Variants in ENTPD7 observed in about 807,000 individuals in gnomAD.
The protein encoded by ENTPD7 is ectonucleoside triphosphate diphosphohydrolase 7, also known as NTPDase 7.
ENTPD7 carries 53 observed loss-of-function variants against 77.9 expected under a neutral mutation model. The ratio of observed to expected loss-of-function variants is 0.68; its 90% CI spans 0.55 to 0.85. ENTPD7 has a LOEUF of 0.85. Among genes scored for constraint, ENTPD7 ranks in the 40% least tolerant of loss-of-function variants. The pLI, the probability that ENTPD7 is intolerant of heterozygous loss-of-function variation, is 0.00. For missense variants in ENTPD7, 636 were observed against 743.7 expected, an observed-to-expected ratio of 0.86 and a Z score of 1.68; for synonymous variants, 248 against 274.9, an observed-to-expected ratio of 0.90 and a Z score of 0.97.
rs11325544 is a variant in ENTPD7, at chr10:99,686,916, CTT to C, written c.652+1039_652+1040del. ...GAGCTGCTTTCTGTAGGCTGTGAAT[CTT>C]TTTTTTTTTTTTTTTTTGAGACAGA... is the stretch of plus-strand genomic sequence containing the variant. On this transcript the variant is annotated intron_variant, in intron 6 of 12. Coordinates refer to ENST00000370489, the MANE Select transcript of ENTPD7 (RefSeq NM_020354.5). Among the ~76,000 whole-genome samples the C allele has an allele frequency of 3.3e-3, 320 of 98,058 alleles. 2 individuals are homozygous for C. The highest frequency in any genetic ancestry group is 9.9e-3 in the Middle Eastern group (2 of 202). 64.3% of individuals were successfully genotyped at this position (98,058 alleles called of 152,430 possible).
At chr10:99,675,936 A>G (rs1417803550) in intron 3 of ENTPD7, among the ~76,000 whole-genome samples, 1 of 152,172 alleles carries the variant, frequency 6.6e-6, no homozygotes, top group East Asian at 1.9e-4. Context: ...GAGTTTTAGT[A>G]TAGTATCAAA....
At chr10:99,666,193 G>T (rs2133440899) in intron 3 of ENTPD7, among the ~76,000 whole-genome samples, 1 of 152,128 alleles carries the variant, frequency 6.6e-6, no homozygotes, top group Middle Eastern at 3.4e-3. Context: ...AGAGTGAAAA[G>T]GTTGGAACTG....
At chr10:99,703,427 C>A (rs576304620) in intron 12 of ENTPD7, among the ~76,000 whole-genome samples, 1 of 152,346 alleles carries the variant, frequency 6.6e-6, no homozygotes, top group East Asian at 1.9e-4. Flanking sequence ...CTGTCACACA[C>A]AAGCACTGTC....
Position 99,710,242 on chromosome 10 carries a change from G to T in ENTPD7, c.*5559G>T, listed in dbSNP as rs1387685091. 5.1e-6 allele frequency: 5 copies of T among 985,240 alleles called. No individual in the cohort carries two copies. The South Asian group carries it at 1.9e-4, about 37-fold the overall frequency. 61.0% of individuals were successfully genotyped at this position (985,240 alleles called of 1,614,324 possible). On this transcript the variant is annotated 3_prime_UTR_variant, in exon 13 of 13. Coordinates refer to ENST00000370489, the MANE Select transcript of ENTPD7 (RefSeq NM_020354.5). ...CTGCTGGTGAAGACGCCCCTTACTA[G>T]CTTCATAAATGTTTTTCTGCAAGCA...
chr10:99,701,165 T>C (rs2036114963), intron 11 of ENTPD7, 107 bp downstream of exon 11: 1 of 1,031,664 alleles, frequency 9.7e-7, no homozygotes, highest in Non-Finnish European at 1.5e-6. Flanking sequence ...GAGGGAGCAT[T>C]TGATTATTCC....
intron 5 of ENTPD7, among the ~76,000 whole-genome samples, chr10:99,680,157 G>T (rs2035735084): frequency 6.6e-6 from 1 of 152,186 alleles, no homozygotes; most frequent in South Asian, 2.1e-4. Context: ...AAATTAGGAA[G>T]AGGGTCACCT....
At position 99,705,850 on chromosome 10, in the gene ENTPD7, A is replaced by C. The variant is rs2036239880; in HGVS notation, c.*1167A>C. 6.6e-6 allele frequency: 1 copy of C among 152,250 alleles called. No individual in the cohort carries two copies. The highest frequency in any genetic ancestry group is 2.1e-4 in the South Asian group (1 of 4,838). 9.4% of individuals were successfully genotyped at this position (152,250 alleles called of 1,614,324 possible). A position where few individuals can be genotyped will look rare whatever the true frequency, so the allele number is the denominator to read the frequency against. Reference sequence around the variant, plus strand: ...TCACAAACAGCACTTCCATTAATGAAGCGAGAGGAAAAGCCATAATAATTA... The same window carrying C: ...TCACAAACAGCACTTCCATTAATGACGCGAGAGGAAAAGCCATAATAATTA... On this transcript the variant is annotated 3_prime_UTR_variant, in exon 13 of 13. Coordinates refer to ENST00000370489, the MANE Select transcript of ENTPD7 (RefSeq NM_020354.5).
At position 99,706,336 on chromosome 10, in the gene ENTPD7, C is replaced by CTTTTTTT. The variant is rs112095426; in HGVS notation, c.*1658_*1664dup. ...GATTAAGCATGCAAAGACTCTGTTC[C>CTTTTTTT]TTTTTTTTTTTCTTGGAGACAGGGC... On this transcript the variant is annotated 3_prime_UTR_variant, in exon 13 of 13. Transcript: ENST00000370489. 1 of 147,702 alleles carries CTTTTTTT rather than the reference C, an allele frequency of 6.8e-6. No homozygotes were observed. The allele number at this position is 147,702 out of a possible 1,614,324, so 9.1% of individuals were successfully genotyped here.
intron 3 of ENTPD7, among the ~76,000 whole-genome samples, chr10:99,667,043 A>C (rs967456907): frequency 6.6e-6 from 1 of 152,208 alleles, no homozygotes; most frequent in Non-Finnish European, 1.5e-5. Context: ...ATTCTTGTCT[A>C]TCACTGTATC....
intron 12 of ENTPD7, among the ~76,000 whole-genome samples, chr10:99,704,210 G>A (rs1247848321): frequency 6.6e-6 from 1 of 152,088 alleles, no homozygotes; most frequent in Admixed American, 6.6e-5. Context: ...TCCCATCTTG[G>A]CTTAGATTCT....
intron 3 of ENTPD7, among the ~76,000 whole-genome samples, chr10:99,664,410 G>A (rs1160786460): frequency 6.6e-6 from 1 of 151,596 alleles, no homozygotes; most frequent in Non-Finnish European, 1.5e-5. Context: ...ACAGATGTGA[G>A]CCACTGTGCC....
intron 8 of ENTPD7, among the ~76,000 whole-genome samples, chr10:99,695,634 C>T (rs1308706898): frequency 6.6e-6 from 1 of 152,038 alleles, no homozygotes; most frequent in Non-Finnish European, 1.5e-5. Flanking sequence ...ATAACACATT[C>T]CCATTGAGGG....
intron 7 of ENTPD7, among the ~76,000 whole-genome samples, chr10:99,689,588 T>G (rs2035855451): frequency 6.6e-6 from 1 of 152,236 alleles, no homozygotes; most frequent in African/African-American, 2.4e-5. Context: ...GACTAAATCA[T>G]AGAAGGCGCT....
Position 99,670,638 on chromosome 10 carries a change from A to G in ENTPD7, c.192-8623A>G, listed in dbSNP as rs537131202. 2.0e-5 allele frequency among the ~76,000 whole-genome samples: 3 copies of G among 152,330 alleles called. No individual in the cohort carries two copies. In the South Asian group the frequency reaches 6.2e-4, roughly 32 times the overall value. The stretch of plus-strand genomic sequence containing the variant: ...TACACATGTTGCTGCACTGAATACT[A>G]TAGGCAACTGCAACACAATGGTAAG... On this transcript the variant is annotated intron_variant, in intron 3 of 12. Coordinates refer to ENST00000370489, the MANE Select transcript of ENTPD7 (RefSeq NM_020354.5).
chr10:99,693,365 A>C (rs2035914934), intron 8 of ENTPD7, among the ~76,000 whole-genome samples: 1 of 152,242 alleles, frequency 6.6e-6, no homozygotes, highest in African/African-American at 2.4e-5. Flanking sequence ...TGAGTTTAGC[A>C]GTCAGCAGAG....
Position 99,711,061 on chromosome 10 carries a change from A to G in ENTPD7, c.*6378A>G, listed in dbSNP as rs2036367307. 1.0e-6 allele frequency: 1 copy of G among 984,286 alleles called. No homozygotes were observed. The highest frequency in any genetic ancestry group is 1.2e-6 in the Non-Finnish European group (1 of 829,700). The allele number at this position is 984,286 out of a possible 1,614,324, so 61.0% of individuals were successfully genotyped here. A position where few individuals can be genotyped will look rare whatever the true frequency, so the allele number is the denominator to read the frequency against. On this transcript the variant is annotated 3_prime_UTR_variant, in exon 13 of 13. Coordinates refer to ENST00000370489, the MANE Select transcript of ENTPD7 (RefSeq NM_020354.5). The stretch of plus-strand genomic sequence containing the variant: ...CCATTCATGCATTCACTAATTCAAT[A>G]TTTGATATGTGTCTGGGAGTGCTGG...
rs181673024 is a variant in ENTPD7 at position 99,678,201 on chromosome 10, G to T, written c.192-1060G>T. Among the ~76,000 whole-genome samples the T allele has an allele frequency of 3.3e-3, 496 of 152,088 alleles. 3 individuals carry two copies. The highest frequency in any genetic ancestry group is 0.011 in the African/African-American group (474 of 41,484). ...TAAAATATTTAGGCCAGGCGCGGTG[G>T]CTCACGTCTGTAATCCCAGCACTTT... On this transcript the variant is annotated intron_variant, in intron 3 of 12. Coordinates refer to ENST00000370489, the MANE Select transcript of ENTPD7 (RefSeq NM_020354.5).
At chr10:99,692,331 G>A (rs1426613915) in intron 8 of ENTPD7, among the ~76,000 whole-genome samples, 3 of 152,204 alleles carry the variant, frequency 2.0e-5, no homozygotes, top group African/African-American at 7.2e-5. Flanking sequence ...CCTTCCAGTT[G>A]TGACAATCAA....
chr10:99,664,916 T>G (rs1188353054), intron 3 of ENTPD7, among the ~76,000 whole-genome samples: 2 of 152,080 alleles, frequency 1.3e-5, no homozygotes, highest in Non-Finnish European at 2.9e-5. Context: ...GCTCTGTCTC[T>G]CCTGTCTGTT....
Sources: gnomAD v4.1 joint callset for allele counts (sites outside exome capture counted in the v4.1 genomes callset) on GRCh38, gnomAD v4.1.1 for gene constraint, MANE v1.5 for transcripts, NCBI Gene and HGNC (gene_info 2026-07-23, HGNC 2026-07-21) for gene names.